ZNF423: variants seen among roughly 807,000 people sequenced by gnomAD.
ZNF423 encodes the protein zinc finger protein 423.
A neutral mutation model predicts 95.8 loss-of-function variants in ZNF423; 12 were observed. The ratio of observed to expected loss-of-function variants is 0.13; its 90% CI spans 0.08 to 0.20. The LOEUF (loss-of-function observed/expected upper bound fraction) is 0.20, where lower values mean the gene tolerates loss of function less well. ZNF423 is among the 10% of genes least tolerant of loss of function. The pLI is 1.00. For missense variants in ZNF423, 1,316 were observed against 1,737.1 expected, an observed-to-expected ratio of 0.76 and a Z score of 4.31; for synonymous variants, 749 against 711.9, an observed-to-expected ratio of 1.05 and a Z score of -0.83.
chr16:49,536,453 T>G (rs1969059277), intron 5 of ZNF423, among the ~76,000 whole-genome samples: 1 of 151,060 alleles, frequency 6.6e-6, no homozygotes, highest in Non-Finnish European at 1.5e-5. Flanking sequence ...TTTTTTTGGT[T>G]TTTTTTCTGG....
intron 5 of ZNF423, among the ~76,000 whole-genome samples, chr16:49,547,849 T>G (rs937351223): frequency 4.6e-5 from 7 of 152,184 alleles, no homozygotes; most frequent in Non-Finnish European, 1.0e-4. Flanking sequence ...CTAATTAGGA[T>G]GGGGATTTTT....
At chr16:49,521,984 C>A (rs994590107) in intron 7 of ZNF423, among the ~76,000 whole-genome samples, 1 of 152,230 alleles carries the variant, frequency 6.6e-6, no homozygotes, top group Non-Finnish European at 1.5e-5. Context: ...AGAAGGGGGC[C>A]CCCTACAACA....
intron 5 of ZNF423, among the ~76,000 whole-genome samples, chr16:49,539,634 T>C (rs1402269147): frequency 6.6e-6 from 1 of 152,106 alleles, no homozygotes. Context: ...ACTGTCATGG[T>C]TATTATTGAC....
intron 5 of ZNF423, among the ~76,000 whole-genome samples, chr16:49,616,071 C>T (rs1971863473): frequency 6.6e-6 from 1 of 152,116 alleles, no homozygotes; most frequent in South Asian, 2.1e-4. Context: ...CTGTCTGCTC[C>T]CACCAGACAC....
At chr16:49,554,119 A>G (rs1169107464) in intron 5 of ZNF423, among the ~76,000 whole-genome samples, 1 of 152,154 alleles carries the variant, frequency 6.6e-6, no homozygotes, top group Non-Finnish European at 1.5e-5. Flanking sequence ...GGATGCATCC[A>G]TGCTGGAGAG....
At chr16:49,830,385 C>A (rs2035049040) in intron 1 of ZNF423, among the ~76,000 whole-genome samples, 1 of 152,098 alleles carries the variant, frequency 6.6e-6, no homozygotes, top group African/African-American at 2.4e-5. Flanking sequence ...CACACAAGCT[C>A]CCCCAGACAG....
chr16:49,585,682 T>C (rs2151808760), intron 5 of ZNF423, among the ~76,000 whole-genome samples: 1 of 152,360 alleles, frequency 6.6e-6, no homozygotes, highest in African/African-American at 2.4e-5. Context: ...GGCAGTTCAA[T>C]TTCATGTATA....
chr16:49,630,951 G>A (rs1201376197), intron 4 of ZNF423, among the ~76,000 whole-genome samples: 3 of 152,022 alleles, frequency 2.0e-5, no homozygotes, highest in Non-Finnish European at 2.9e-5. Context: ...GCAAGCACAC[G>A]TATGCATTCA....
intron 5 of ZNF423, among the ~76,000 whole-genome samples, chr16:49,533,912 C>A (rs1437285305): frequency 1.3e-5 from 2 of 152,152 alleles, no homozygotes; most frequent in Non-Finnish European, 2.9e-5. Flanking sequence ...AATTCCAGGA[C>A]TTTGGGAGGC....
At chr16:49,558,575 A>C (rs1337631809) in intron 5 of ZNF423, among the ~76,000 whole-genome samples, 1 of 152,154 alleles carries the variant, frequency 6.6e-6, no homozygotes, top group Admixed American at 6.5e-5. Flanking sequence ...AGGCCCAGGT[A>C]CCTGCACAGA....
At chr16:49,608,751 T>A (rs1971621485) in intron 5 of ZNF423, among the ~76,000 whole-genome samples, 1 of 152,192 alleles carries the variant, frequency 6.6e-6, no homozygotes, top group South Asian at 2.1e-4. Context: ...GATTTTTGCC[T>A]GGCAAAACAG....
intron 3 of ZNF423, among the ~76,000 whole-genome samples, chr16:49,652,075 T>C (rs7184732): frequency 0.55 from 83,025 of 151,782 alleles, 23,769 homozygotes; most frequent in African/African-American, 0.74. Flanking sequence ...TCTAAGGTAC[T>C]GGGAGCCATC....
intron 3 of ZNF423, among the ~76,000 whole-genome samples, chr16:49,648,324 T>C (rs1269537760): frequency 6.6e-6 from 1 of 152,092 alleles, no homozygotes; most frequent in Non-Finnish European, 1.5e-5. Flanking sequence ...TTCTTGCTGC[T>C]AAAAAGAAAA....
intron 2 of ZNF423, among the ~76,000 whole-genome samples, chr16:49,748,189 G>A (rs2033562374): frequency 6.6e-6 from 1 of 152,252 alleles, no homozygotes; most frequent in Admixed American, 6.5e-5. Flanking sequence ...CGTAGTAGGT[G>A]CACAATAACC....
chr16:49,833,457 C>T (rs1301816881), intron 1 of ZNF423, among the ~76,000 whole-genome samples: 1 of 152,190 alleles, frequency 6.6e-6, no homozygotes, highest in Non-Finnish European at 1.5e-5. Flanking sequence ...AATTCACTTG[C>T]CAATGTTTAT....
intron 1 of ZNF423, among the ~76,000 whole-genome samples, chr16:49,809,010 G>A (rs1014327024): frequency 2.0e-5 from 3 of 152,212 alleles, no homozygotes; most frequent in Admixed American, 1.3e-4. Flanking sequence ...CGAGCAGGGG[G>A]CACACTGAGC....
chr16:49,665,960 C>T (rs561360319), intron 3 of ZNF423, among the ~76,000 whole-genome samples: 57 of 152,318 alleles, frequency 3.7e-4, no homozygotes, highest in African/African-American at 1.3e-3. Flanking sequence ...ATTTAATCAG[C>T]TCCTAATGGC....
intron 5 of ZNF423, among the ~76,000 whole-genome samples, chr16:49,598,653 C>T (rs1971259389): frequency 6.6e-6 from 1 of 152,232 alleles, no homozygotes; most frequent in African/African-American, 2.4e-5. Flanking sequence ...GCCATCACGC[C>T]AAAAGGCCCA....
chr16:49,737,109 G>A (rs892142509), intron 2 of ZNF423, among the ~76,000 whole-genome samples: 1 of 152,018 alleles, frequency 6.6e-6, no homozygotes, highest in African/African-American at 2.4e-5. Context: ...AACTCTATGT[G>A]GTAGGTACAA....
Sources: gnomAD v4.1 joint callset for allele counts (sites outside exome capture counted in the v4.1 genomes callset) on GRCh38, gnomAD v4.1.1 for gene constraint, MANE v1.5 for transcripts, NCBI Gene and HGNC (gene_info 2026-07-23, HGNC 2026-07-21) for gene names.